MAP1S: variants seen among roughly 807,000 people sequenced by gnomAD.
The protein encoded by MAP1S is microtubule associated protein 1S, also known as microtubule-associated protein 1S.
MAP1S carries 27 observed loss-of-function variants against 60.9 expected under a neutral mutation model. The ratio of observed to expected loss-of-function variants is 0.44; its 90% confidence interval spans 0.33 to 0.61. The LOEUF (loss-of-function observed/expected upper bound fraction) is 0.61, where lower values mean the gene tolerates loss of function less well. MAP1S is among the 20% of genes least tolerant of loss of function. MAP1S has a pLI of 0.03. For synonymous variants in MAP1S, 826 were observed against 694.2 expected (o/e 1.19, Z -2.98); for missense variants, 1,608 against 1,486.6 (o/e 1.08, Z -1.34).
chr19:17,727,301 C>T lies in MAP1S; in HGVS notation c.1917C>T (p.Pro639=), dbSNP rs1426703873. The T allele has an allele frequency of 1.3e-6, 2 of 1,591,330 alleles. No homozygotes were observed. The highest frequency in any genetic ancestry group is 1.3e-5 in the African/African-American group (1 of 74,524). Residue 639 remains proline, a synonymous_variant, in exon 5 of 7, where the codon CCC becomes CCT. Coordinates refer to ENST00000324096, the MANE Select transcript of MAP1S (RefSeq NM_018174.6). The surrounding 1 kb of genome is among the most constrained non-coding windows in gnomAD (Gnocchi z 4.1). ...AASSIPRPRT[P]SPESHRSPAE... ...GCTCAATCCCAAGGCCACGCACACC[C>T]TCCCCTGAGTCCCACCGGAGCCCCG... is the stretch of plus-strand genomic sequence containing the variant.
At position 17,728,002 on chromosome 19, in the gene MAP1S, C is replaced by T. The variant is rs768046757; in HGVS notation, c.2618C>T (p.Ala873Val). Reference protein sequence around the residue: ...RKPLARPNSRAAAPKATPVAA... With the variant: ...RKPLARPNSRVAAPKATPVAA... ...CCCCTGGCCCGCCCCAACTCACGCGCTGCCGCCCCCAAAGCCACTCCAGTG... is the reference window on the plus strand; with the variant it reads ...CCCCTGGCCCGCCCCAACTCACGCGTTGCCGCCCCCAAAGCCACTCCAGTG... The change falls in exon 5 of 7, where the codon GCT (alanine) becomes GTT (valine). Residue 873 changes from alanine to valine, a missense_variant. Ala to Val is a moderately conservative substitution (Grantham distance 64). Around this residue, in one of 4 missense-constraint regions of MAP1S, gnomAD observed 1,167 missense variants for 961.4 expected, o/e 1.21. Transcript: ENST00000324096. 2 of 1,611,398 alleles carry T rather than the reference C, an allele frequency of 1.2e-6. No homozygotes were observed. The highest frequency in any genetic ancestry group is 1.7e-6 in the Non-Finnish European group (2 of 1,179,174).
chr19:17,720,152 A>G (rs2080357375), intron 1 of MAP1S: 3 of 1,303,872 alleles, frequency 2.3e-6, no homozygotes, highest in African/African-American at 3.1e-5. Context: ...GCACCTAGGG[A>G]GGTGAGTCAT....
rs376101285 is a variant in MAP1S, at chr19:17,723,000, G to A, written c.221-1126G>A. 2.1e-3 allele frequency among the ~76,000 whole-genome samples: 326 copies of A among 152,110 alleles called. 4 individuals carry two copies. The highest frequency in any genetic ancestry group is 7.3e-3 in the African/African-American group (303 of 41,512). On this transcript the variant is annotated intron_variant, in intron 2 of 6. Transcript: ENST00000324096. ...TGGCTGGTGCTGTACCCTGGTCCGG[G>A]TTGGCCCTCACCGGCCCCCACCCCG...
Position 17,727,129 on chromosome 19 carries a change from G to T in MAP1S, c.1745G>T (p.Ser582Ile). 6.3e-7 allele frequency: 1 copy of T among 1,593,414 alleles called. No homozygotes were observed. The highest frequency in any genetic ancestry group is 8.5e-7 in the Non-Finnish European group (1 of 1,173,200). The change falls in exon 5 of 7, where the codon AGC becomes ATC. Residue 582 changes from serine to isoleucine, a missense_variant. By Grantham distance (142) the Ser-to-Ile change is moderately radical. Coordinates refer to ENST00000324096, the MANE Select transcript of MAP1S (RefSeq NM_018174.6). The surrounding 1 kb of genome is among the most constrained non-coding windows in gnomAD (Gnocchi z 4.1). ...GFPPVANGPR[S>I]PPSLRCGEAS... ...CCGCCGGTGGCAAATGGACCCCGCA[G>T]CCCGCCCAGCCTCCGATGTGGAGAA...
intron 6 of MAP1S, 32 bp downstream of exon 6, chr19:17,733,460 G>C (rs763968795): frequency 2.0e-6 from 3 of 1,527,746 alleles, no homozygotes; most frequent in East Asian, 2.3e-5. Context: ...CTGGTGGTAA[G>C]TGTAGTTAGC....
At chr19:17,732,879 T>C (rs2080503830) in intron 5 of MAP1S, 4 of 360,242 alleles carry the variant, frequency 1.1e-5, no homozygotes, top group Non-Finnish European at 1.5e-5. Flanking sequence ...CGGTGGTGTT[T>C]GTAGAGTGAG....
chr19:17,727,873 T>A lies in MAP1S; in HGVS notation c.2489T>A (p.Val830Asp). Reference protein sequence around the residue: ...RHDPLPDPLKVPPPLPDPSSI... With the variant: ...RHDPLPDPLKDPPPLPDPSSI... ...GACCCTTTGCCTGACCCCCTCAAGG[T>A]CCCCCCACCACTGCCTGACCCATCC... is the stretch of plus-strand genomic sequence containing the variant. The change falls in exon 5 of 7, where the codon GTC becomes GAC. Residue 830 changes from valine to aspartate, a missense_variant. Val to Asp is a radical substitution (Grantham distance 152). This residue lies in a region of MAP1S where 1,167 missense variants were observed against 961.4 expected (regional missense o/e 1.21). Coordinates refer to ENST00000324096, the MANE Select transcript of MAP1S (RefSeq NM_018174.6). The surrounding 1 kb of genome is among the most constrained non-coding windows in gnomAD (Gnocchi z 4.1). 6.2e-7 allele frequency: 1 copy of A among 1,609,598 alleles called. No individual in the cohort carries two copies.
Position 17,720,129 on chromosome 19 carries a change from C to T in MAP1S, c.118+509C>T, listed in dbSNP as rs1224707325. The stretch of plus-strand genomic sequence containing the variant: ...TTGGGGTGTGGGCGGGTGCGGCCTG[C>T]CCTGGGGATTTGGCACCTAGGGAGG... On this transcript the variant is annotated intron_variant, in intron 1 of 6. Transcript: ENST00000324096. 11 of 1,285,088 alleles carry T rather than the reference C, an allele frequency of 8.6e-6. No homozygotes were observed. In the Admixed American group the frequency reaches 1.6e-4, roughly 19 times the overall value. 79.6% of individuals were successfully genotyped at this position (1,285,088 alleles called of 1,614,324 possible).
chr19:17,720,049 G>T, intron 1 of MAP1S: 5 of 963,876 alleles, frequency 5.2e-6, no homozygotes, highest in Non-Finnish European at 6.4e-6. Flanking sequence ...ATATGGGGGA[G>T]GCTGGGCCTG....
Position 17,725,904 on chromosome 19 carries a change from G to T in MAP1S, c.520G>T (p.Asp174Tyr). Residue 174 changes from aspartate (D) to tyrosine (Y), a missense_variant, in exon 5 of 7, where the codon GAC becomes TAC. Coordinates refer to ENST00000324096, the MANE Select transcript of MAP1S (RefSeq NM_018174.6). This position sits in a 1 kb window ranked among gnomAD's most constrained non-coding sequence, Gnocchi z 4.2. ...CACCATCACCTGCCCCACCTTCGGT[G>T]ACTGGGCTCAGCTGGCACCCGCTGT... is the stretch of plus-strand genomic sequence containing the variant. ...ILTITCPTFG[D>Y]WAQLAPAVPG... 1 of 1,613,848 alleles carries T rather than the reference G, an allele frequency of 6.2e-7. No homozygotes were observed.
intron 2 of MAP1S, chr19:17,721,372 C>G (rs927229436): frequency 2.7e-6 from 1 of 372,660 alleles, no homozygotes; most frequent in African/African-American, 2.1e-5. Flanking sequence ...CAAGACCCAG[C>G]AGTGGACAGA....
rs767478884 is a variant in MAP1S, at chr19:17,727,787, C to T, written c.2403C>T (p.Pro801=). The change falls in exon 5 of 7, where the codon CCC becomes CCT. Residue 801 remains proline (P), a synonymous_variant. Transcript: ENST00000324096. This position sits in a 1 kb window ranked among gnomAD's most constrained non-coding sequence, Gnocchi z 4.1. The part of the protein sequence containing the change: ...LPTLSDSDPV[P]LAPGAADSDE... ...CCCTGTCTGACTCGGATCCCGTGCC[C>T]CTGGCCCCCGGTGCGGCAGACTCAG... 89 of 1,611,898 alleles carry T rather than the reference C, an allele frequency of 5.5e-5. No homozygotes were observed. Among genetic ancestry groups the T allele is most frequent in the Non-Finnish European group, 7.0e-5 (82 of 1,179,244 alleles).
In MAP1S at chr19:17,727,686, G is replaced by C. The variant is rs1221756021; in HGVS notation, c.2302G>C (p.Ala768Pro). The change falls in exon 5 of 7, where the codon GCC (alanine) becomes CCC (proline). Residue 768 changes from alanine (A) to proline (P), a missense_variant. Ala to Pro is a conservative substitution (Grantham distance 27, BLOSUM62 -1). Around this residue, in one of 4 missense-constraint regions of MAP1S, gnomAD observed 1,167 missense variants for 961.4 expected, o/e 1.21. Coordinates refer to ENST00000324096, the MANE Select transcript of MAP1S (RefSeq NM_018174.6). This position sits in a 1 kb window ranked among gnomAD's most constrained non-coding sequence, Gnocchi z 4.1. ...ASPGSSNDSS[A>P]RSQERAGGLG... is the part of the protein sequence containing the mutation. ...CCCCGGCAGCTCGAATGACAGCAGT[G>C]CCCGGTCACAGGAACGGGCAGGTGG... The C allele has an allele frequency of 1.2e-6, 2 of 1,609,344 alleles. No individual in the cohort carries two copies. Among genetic ancestry groups the C allele is most frequent in the Non-Finnish European group, 1.7e-6 (2 of 1,179,334 alleles).
chr19:17,724,413 T>C (rs1351878420), intron 3 of MAP1S, among the ~76,000 whole-genome samples: 2 of 151,776 alleles, frequency 1.3e-5, no homozygotes, highest in Non-Finnish European at 2.9e-5. Flanking sequence ...GCCTGGACTT[T>C]GGGAGGGAGG....
At chr19:17,724,968 C>T (rs2080403889) in intron 3 of MAP1S, 81 bp from the exon 4 acceptor site, 5 of 1,572,772 alleles carry the variant, frequency 3.2e-6, no homozygotes, top group Admixed American at 1.7e-5. Context: ...GGTTATGTAT[C>T]GACTCGAGGC....
rs551236434 is a variant in MAP1S, at chr19:17,728,287, G to A, written c.2788+115G>A. 9 of 1,185,624 alleles carry A rather than the reference G, an allele frequency of 7.6e-6. No individual in the cohort carries two copies. The South Asian group carries it at 1.0e-4, about 13-fold the overall frequency. 73.4% of individuals were successfully genotyped at this position (1,185,624 alleles called of 1,614,324 possible). A position where few individuals can be genotyped will look rare whatever the true frequency, so the allele number is the denominator to read the frequency against. On this transcript the variant is annotated intron_variant, in intron 5 of 6. Transcript: ENST00000324096. ...TTTTTAAAAGAGATGGTCTCACTCT[G>A]TCTCTGAGCTGGAGTGCAGTGGTGT...
Position 17,726,936 on chromosome 19 carries a change from G to T in MAP1S, c.1552G>T (p.Glu518Ter). Residue 518 changes from glutamate (E) to a stop codon, truncating the protein, a stop_gained, in exon 5 of 7, where the codon GAA becomes TAA. Coordinates refer to ENST00000324096, the MANE Select transcript of MAP1S (RefSeq NM_018174.6). LOFTEE classifies it high-confidence loss of function. ...TGAGGCCCCACGCAAGACTGAGAAA[G>T]AAGCCAAGACCCCCCGGGAGTTGAA... ...RAEAPRKTEK[E>*]AKTPRELKKD... 6.4e-7 allele frequency: 1 copy of T among 1,571,090 alleles called. No individual in the cohort carries two copies. The highest frequency in any genetic ancestry group is 8.6e-7 in the Non-Finnish European group (1 of 1,158,884).
Position 17,728,109 on chromosome 19 carries a change from G to C in MAP1S, c.2725G>C (p.Gly909Arg). The stretch of plus-strand genomic sequence containing the variant: ...TGCCCGGAGTGAGCCCAGTGAGAAG[G>C]GAGGCCGGGCACCCCTGTCCAGAAA... ...LSARSEPSEKGGRAPLSRKSS... is the reference protein window; with the variant it reads ...LSARSEPSEKRGRAPLSRKSS... The change falls in exon 5 of 7, where the codon GGA becomes CGA. Residue 909 changes from glycine to arginine, a missense_variant. Around this residue, in one of 4 missense-constraint regions of MAP1S, gnomAD observed 1,167 missense variants for 961.4 expected, o/e 1.21. Transcript: ENST00000324096. The C allele has an allele frequency of 1.2e-6, 2 of 1,612,288 alleles. No homozygotes were observed. The highest frequency in any genetic ancestry group is 1.7e-6 in the Non-Finnish European group (2 of 1,179,472).
At chr19:17,724,059 T>A (rs1323676742) in intron 2 of MAP1S, 67 bp from the exon 3 acceptor site, 2 of 1,293,704 alleles carry the variant, frequency 1.5e-6, no homozygotes, top group Non-Finnish European at 2.2e-6. Flanking sequence ...CCCAGAGGGG[T>A]TCATGTTCCC....
Sources: gnomAD v4.1 joint callset for allele counts (sites outside exome capture counted in the v4.1 genomes callset) on GRCh38, gnomAD v4.1.1 for gene constraint, gnomAD v4.1.1 regional missense constraint, Gnocchi (gnomAD v3.1) non-coding constraint, MANE v1.5 for transcripts, NCBI Gene and HGNC (gene_info 2026-07-23, HGNC 2026-07-21) for gene names.